The following DEPDC5 variants were observed in gnomAD, a reference collection of about 807,000 sequenced individuals.
DEPDC5 encodes GATOR1 complex protein DEPDC5.
A neutral mutation model predicts 217.3 loss-of-function variants in DEPDC5; 73 were observed. The observed-to-expected ratio is 0.34, with a 90% confidence interval of 0.28 to 0.41. The LOEUF (loss-of-function observed/expected upper bound fraction) is 0.41, where lower values mean the gene tolerates loss of function less well. Ranked by LOEUF, DEPDC5 falls within the 10% of genes least tolerant of loss-of-function variation. The probability of loss-of-function intolerance (pLI) is 1.00; values close to 1 mark genes in which losing one functional copy is unlikely to be tolerated. For missense variants in DEPDC5, 1,675 were observed against 2,070.1 expected (o/e 0.81, Z 3.70); for synonymous variants, 733 against 756.7 (o/e 0.97, Z 0.51).
In DEPDC5 at chr22:31,821,599, A is replaced by G. The variant is rs1461367752; in HGVS notation, c.1968A>G (p.Ala656=). The G allele has an allele frequency of 5.6e-6, 9 of 1,614,194 alleles. No homozygotes were observed. The highest frequency in any genetic ancestry group is 7.6e-6 in the Non-Finnish European group (9 of 1,179,996). Residue 656 remains alanine, a synonymous_variant, in exon 23 of 43, where the codon GCA becomes GCG. Coordinates refer to ENST00000651528, the MANE Select transcript of DEPDC5 (RefSeq NM_001242896.3). ...SGQRDPTHSS[A]ELLELAYHEA... ...AGAGGGATCCAACTCACTCCTCTGCAGAGCTGCTGGAGTTAGCATATCATG... is the reference window on the plus strand; with the variant it reads ...AGAGGGATCCAACTCACTCCTCTGCGGAGCTGCTGGAGTTAGCATATCATG...
intron 24 of DEPDC5, among the ~76,000 whole-genome samples, chr22:31,825,363 C>A (rs1017416770): frequency 6.6e-6 from 1 of 152,162 alleles, no homozygotes; most frequent in East Asian, 1.9e-4. Flanking sequence ...TAACATGACA[C>A]CATTGTGGAG....
chr22:31,823,081 G>T, intron 24 of DEPDC5: 1 of 358,664 alleles, frequency 2.8e-6, no homozygotes, highest in South Asian at 2.6e-5. Flanking sequence ...ACCATGGACA[G>T]AGCTGGAGTG....
In DEPDC5 at chr22:31,815,036, C is replaced by T. The variant is rs1195703491; in HGVS notation, c.1490C>T (p.Ser497Phe). 1.9e-6 allele frequency: 3 copies of T among 1,614,024 alleles called. No individual in the cohort carries two copies. Among genetic ancestry groups the T allele is most frequent in the East Asian group, 4.5e-5 (2 of 44,892 alleles). The stretch of plus-strand genomic sequence containing the variant: ...AGTCACAGTCGAAAGAGTGCCAGCT[C>T]CTGTGATGTTTCATCCAGCCCTTCC... ...RESHSRKSASSCDVSSSPSLP... is the reference protein window; with the variant it reads ...RESHSRKSASFCDVSSSPSLP... Residue 497 changes from serine (S) to phenylalanine (F), a missense_variant, in exon 21 of 43, where the codon TCC (serine) becomes TTC (phenylalanine). Physicochemically the swap from Ser to Phe is radical, Grantham distance 155. Coordinates refer to ENST00000651528, the MANE Select transcript of DEPDC5 (RefSeq NM_001242896.3).
chr22:31,854,234 GTCT>G (rs1353920319), intron 31 of DEPDC5, among the ~76,000 whole-genome samples: 3 of 152,244 alleles, frequency 2.0e-5, no homozygotes, highest in Non-Finnish European at 1.5e-5. Flanking sequence ...GACAGGGTCA[GTCT>G]TCTTCTCAGA....
chr22:31,882,263 T>G (rs1259284225), intron 38 of DEPDC5, among the ~76,000 whole-genome samples: 1 of 152,174 alleles, frequency 6.6e-6, no homozygotes, highest in Admixed American at 6.5e-5. Context: ...TTTTCATCTC[T>G]GCGGAACAAG....
intron 27 of DEPDC5, among the ~76,000 whole-genome samples, chr22:31,842,438 G>T (rs893901237): frequency 6.6e-6 from 1 of 152,132 alleles, no homozygotes; most frequent in Non-Finnish European, 1.5e-5. Flanking sequence ...AGCCTGGGGT[G>T]GTGGAGCGTG....
At chr22:31,870,769 A>G (rs2149231849) in intron 34 of DEPDC5, 25 bp downstream of exon 34, 1 of 1,521,918 alleles carries the variant, frequency 6.6e-7, no homozygotes, top group South Asian at 1.3e-5. Flanking sequence ...GGCCAAACTC[A>G]TGTTCCTGGG....
At chr22:31,809,431 G>A (rs1414267571) in intron 18 of DEPDC5, among the ~76,000 whole-genome samples, 180 bp from the exon 19 acceptor site, 1 of 152,194 alleles carries the variant, frequency 6.6e-6, no homozygotes, top group Admixed American at 6.5e-5. Flanking sequence ...AGGTTTGTGA[G>A]AGGCAACAAG....
intron 24 of DEPDC5, among the ~76,000 whole-genome samples, chr22:31,832,895 T>C (rs1231799750): frequency 6.6e-6 from 1 of 152,242 alleles, no homozygotes; most frequent in Non-Finnish European, 1.5e-5. Context: ...CACAAGAAAT[T>C]TATAAATACT....
intron 30 of DEPDC5, among the ~76,000 whole-genome samples, chr22:31,846,368 CT>C (rs1439959768): frequency 6.6e-6 from 1 of 152,000 alleles, no homozygotes; most frequent in Non-Finnish European, 1.5e-5. Flanking sequence ...TGTTTTTAAC[CT>C]CAAGTTCAGT....
Position 31,766,571 on chromosome 22 carries a change from A to G in DEPDC5, c.280-14A>G, listed in dbSNP as rs2082837082. 1.9e-6 allele frequency: 3 copies of G among 1,611,922 alleles called. No individual in the cohort carries two copies. The highest frequency in any genetic ancestry group is 2.5e-6 in the Non-Finnish European group (3 of 1,178,458). On this transcript the variant is annotated splice_polypyrimidine_tract_variant and intron_variant, in intron 5 of 42. Coordinates refer to ENST00000651528, the MANE Select transcript of DEPDC5 (RefSeq NM_001242896.3). ...AAAGTAATGTCAGAGATATCATTTG[A>G]TTATTCCTTTTAGGATGTGACCCTT...
rs529489254 is a variant in DEPDC5 at position 31,798,725 on chromosome 22, C to T, written c.946+69C>T. ...ATGGCTATGTTACCGGAAAGGTGTC[C>T]TGATCCAGACCCTAAGAGAAGGTTC... On this transcript the variant is annotated intron_variant, in intron 14 of 42. Transcript: ENST00000651528. The T allele has an allele frequency of 2.9e-5, 42 of 1,468,560 alleles. No individual in the cohort carries two copies. The East Asian group carries it at 8.9e-4, about 31-fold the overall frequency. The allele number at this position is 1,468,560 out of a possible 1,614,324, so 91.0% of individuals were successfully genotyped here. A position where few individuals can be genotyped will look rare whatever the true frequency, so the allele number is the denominator to read the frequency against.
chr22:31,814,807 C>A (rs1380443215), intron 20 of DEPDC5, 185 bp from the exon 21 acceptor site: 3 of 615,344 alleles, frequency 4.9e-6, no homozygotes, highest in Non-Finnish European at 8.6e-6. Context: ...TTTCCCCCCT[C>A]TCTTATATAA....
intron 38 of DEPDC5, chr22:31,879,953 A>C (rs1268805636): frequency 1.5e-5 from 9 of 589,724 alleles, no homozygotes; most frequent in Non-Finnish European, 2.7e-5. Flanking sequence ...CCCAACCAAC[A>C]GACGGTATTT....
Position 31,870,616 on chromosome 22 carries a change from T to C in DEPDC5, c.3357T>C (p.Pro1119=). ...TATCTGTGGACCAAACAGCCACTCCTATGTTGGACGGCACCAGTTTGGGCA... is the reference window on the plus strand; with the variant it reads ...TATCTGTGGACCAAACAGCCACTCCCATGTTGGACGGCACCAGTTTGGGCA... ...PQVSVDQTAT[P]MLDGTSLGIC... The change falls in exon 34 of 43, where the codon CCT becomes CCC. Residue 1119 remains proline (P), a synonymous_variant. Transcript: ENST00000651528. The C allele has an allele frequency of 6.4e-7, 1 of 1,570,400 alleles. No individual in the cohort carries two copies. Among genetic ancestry groups the C allele is most frequent in the East Asian group, 2.3e-5 (1 of 42,586 alleles).
At chr22:31,812,645 C>T (rs1435964482) in intron 20 of DEPDC5, among the ~76,000 whole-genome samples, 6 of 147,134 alleles carry the variant, frequency 4.1e-5, no homozygotes, top group Non-Finnish European at 6.0e-5. Context: ...AGGATGGTCT[C>T]GATCTCCTGA....
chr22:31,864,524 A>T (rs1002808134), intron 33 of DEPDC5, among the ~76,000 whole-genome samples: 9 of 132,710 alleles, frequency 6.8e-5, no homozygotes, highest in East Asian at 4.1e-4. Context: ...ATATATATAT[A>T]TTTATATATT....
At chr22:31,833,202 A>G (rs2090735359) in intron 24 of DEPDC5, among the ~76,000 whole-genome samples, 1 of 152,238 alleles carries the variant, frequency 6.6e-6, no homozygotes, top group Admixed American at 6.5e-5. Flanking sequence ...TTATGGCATC[A>G]GAATTTTCTG....
rs966787308 is a variant in DEPDC5 at position 31,784,770 on chromosome 22, G to A, written c.563-44G>A. On this transcript the variant is annotated intron_variant, in intron 9 of 42. Coordinates refer to ENST00000651528, the MANE Select transcript of DEPDC5 (RefSeq NM_001242896.3). ...GAAGAAATTGCAAGCAAGAAATAAA[G>A]ATTGTTCTCATGTTCTCATCCTTTT... 13 of 1,573,550 alleles carry A rather than the reference G, an allele frequency of 8.3e-6. No individual in the cohort carries two copies. In the Admixed American group the frequency reaches 1.9e-4, roughly 23 times the overall value.
Sources: gnomAD v4.1 joint callset for allele counts (sites outside exome capture counted in the v4.1 genomes callset) on GRCh38, gnomAD v4.1.1 for gene constraint, MANE v1.5 for transcripts, NCBI Gene and HGNC (gene_info 2026-07-23, HGNC 2026-07-21) for gene names.